SEMA6A: variants seen among roughly 807,000 people sequenced by gnomAD.
SEMA6A encodes semaphorin-6A.
A neutral mutation model predicts 96.8 loss-of-function variants in SEMA6A; 25 were observed. The observed-to-expected ratio is 0.26, with a 90% CI of 0.19 to 0.36. The LOEUF (loss-of-function observed/expected upper bound fraction) is 0.36, where lower values mean the gene tolerates loss of function less well. SEMA6A is among the 10% of genes least tolerant of loss of function. The pLI is 1.00. For synonymous variants in SEMA6A, 612 were observed against 518.0 expected (o/e 1.18, Z -2.46); for missense variants, 1,363 against 1,323.1 (o/e 1.03, Z -0.47).
At chr5:116,539,618 T>TGTGTGG (rs748442933) in intron 1 of SEMA6A, among the ~76,000 whole-genome samples, 1,861 of 151,720 alleles carry the variant, frequency 0.012, 28 homozygotes, top group Admixed American at 0.044. Flanking sequence ...TGTGTGTGTG[T>TGTGTGG]ACTTTCTTTA....
intron 1 of SEMA6A, among the ~76,000 whole-genome samples, chr5:116,533,729 T>C (rs1196053994): frequency 6.6e-6 from 1 of 152,126 alleles, no homozygotes; most frequent in African/African-American, 2.4e-5. Flanking sequence ...CTTCAAAATT[T>C]ATTTTGCCCT....
At chr5:116,555,462 C>A (rs558642761) in intron 1 of SEMA6A, among the ~76,000 whole-genome samples, 1 of 152,088 alleles carries the variant, frequency 6.6e-6, no homozygotes, top group Non-Finnish European at 1.5e-5. Flanking sequence ...TTTATTGGTA[C>A]GAGTAGTTAA....
chr5:116,485,812 G>C (rs1446866691), intron 10 of SEMA6A, among the ~76,000 whole-genome samples: 2 of 152,206 alleles, frequency 1.3e-5, no homozygotes, highest in South Asian at 2.1e-4. Flanking sequence ...CATGAATTTA[G>C]ATTTCACGAC....
intron 4 of SEMA6A, 76 bp downstream of exon 4, chr5:116,497,251 C>A: frequency 3.6e-6 from 3 of 839,912 alleles, no homozygotes; most frequent in South Asian, 1.7e-5. Flanking sequence ...CATCTTAATG[C>A]ACTTAAAATA....
At chr5:116,521,441 A>G (rs1165208051) in intron 1 of SEMA6A, among the ~76,000 whole-genome samples, 1 of 152,196 alleles carries the variant, frequency 6.6e-6, no homozygotes, top group Non-Finnish European at 1.5e-5. Flanking sequence ...TTGAGGGGTA[A>G]CGGGGCTGTG....
chr5:116,548,001 T>C (rs958520790), intron 1 of SEMA6A, among the ~76,000 whole-genome samples: 4 of 152,140 alleles, frequency 2.6e-5, no homozygotes, highest in Admixed American at 6.5e-5. Context: ...GTAGCATGGT[T>C]ATTTTGAAGA....
intron 1 of SEMA6A, among the ~76,000 whole-genome samples, chr5:116,558,116 G>A (rs184844128): frequency 6.6e-6 from 1 of 152,092 alleles, no homozygotes; most frequent in Admixed American, 6.5e-5. Context: ...TATTCAGTTT[G>A]TTAAAGCCCC....
intron 18 of SEMA6A, among the ~76,000 whole-genome samples, chr5:116,465,930 TAAC>T (rs955578447): frequency 6.6e-6 from 1 of 151,800 alleles, no homozygotes; most frequent in Non-Finnish European, 1.5e-5. Context: ...GAGCCACACA[TAAC>T]AAATAATGGC....
In SEMA6A at chr5:116,455,063, T is replaced by C. The variant is rs754332758; in HGVS notation, c.1895-7252A>G. ...CCACTTCGATCACCTTTAAAAGTGATGCATTTTTGGTTGGGATGTCATCAC... is the reference window on the plus strand; with the variant it reads ...CCACTTCGATCACCTTTAAAAGTGACGCATTTTTGGTTGGGATGTCATCAC... On this transcript the variant is annotated intron_variant, in intron 18 of 18. Coordinates refer to ENST00000343348, the MANE Select transcript of SEMA6A (RefSeq NM_020796.5). Among the ~76,000 whole-genome samples, 11 of 152,310 alleles carry C rather than the reference T, an allele frequency of 7.2e-5. No individual in the cohort carries two copies. In the South Asian group the frequency reaches 8.3e-4, roughly 11 times the overall value.
At chr5:116,563,754 T>C (rs999482394) in intron 1 of SEMA6A, among the ~76,000 whole-genome samples, 36 of 152,254 alleles carry the variant, frequency 2.4e-4, no homozygotes, top group Non-Finnish European at 7.3e-5. Flanking sequence ...TTACTCCCAC[T>C]GTTCTCCTCC....
At chr5:116,535,526 A>G (rs1025622979) in intron 1 of SEMA6A, among the ~76,000 whole-genome samples, 2 of 152,192 alleles carry the variant, frequency 1.3e-5, no homozygotes, top group African/African-American at 2.4e-5. Flanking sequence ...GATCAAGGTA[A>G]TACCACAGTT....
chr5:116,452,054 GA>G (rs1754674789), intron 18 of SEMA6A, among the ~76,000 whole-genome samples: 1 of 152,040 alleles, frequency 6.6e-6, no homozygotes, highest in African/African-American at 2.4e-5. Context: ...ATGCTGCCTG[GA>G]AGCCCTGGGC....
chr5:116,528,332 G>T lies in SEMA6A; in HGVS notation c.-38-23350C>A, dbSNP rs562835087. Among the ~76,000 whole-genome samples the T allele has an allele frequency of 1.1e-4, 17 of 152,216 alleles. No individual in the cohort carries two copies. The East Asian group carries it at 3.1e-3, about 28-fold the overall frequency. ...ATTTCTGGAAGTGCCCAGTTAAAGG[G>T]AAGTACAATCCCACAGACCCCAGTA... is the stretch of plus-strand genomic sequence containing the variant. On this transcript the variant is annotated intron_variant, in intron 1 of 18. Transcript: ENST00000343348.
chr5:116,472,832 C>T (rs995414993), intron 17 of SEMA6A: 1 of 1,328,238 alleles, frequency 7.5e-7, no homozygotes, highest in Non-Finnish European at 1.0e-6. Flanking sequence ...TAAACTACTG[C>T]TGGATGAATG....
intron 1 of SEMA6A, among the ~76,000 whole-genome samples, chr5:116,539,177 C>A (rs1308605590): frequency 6.6e-6 from 1 of 152,196 alleles, no homozygotes; most frequent in Non-Finnish European, 1.5e-5. Context: ...TGGCCCTAGA[C>A]AACTTTTCTC....
chr5:116,527,494 C>T (rs1293712857), intron 1 of SEMA6A, among the ~76,000 whole-genome samples: 1 of 152,102 alleles, frequency 6.6e-6, no homozygotes, highest in East Asian at 1.9e-4. Flanking sequence ...AAACAATGAT[C>T]TTTTATACCC....
At chr5:116,477,982 C>T (rs762450490) in intron 14 of SEMA6A, 32 bp downstream of exon 14, 44 of 1,613,930 alleles carry the variant, frequency 2.7e-5, no homozygotes, top group Non-Finnish European at 3.6e-5. Flanking sequence ...CCACCATGGA[C>T]TTTCTAATTG....
chr5:116,462,194 C>A (rs1755449732), intron 18 of SEMA6A, among the ~76,000 whole-genome samples: 1 of 151,896 alleles, frequency 6.6e-6, no homozygotes, highest in Non-Finnish European at 1.5e-5. Context: ...GTAAGAGTAA[C>A]CAGGGGGTAG....
At chr5:116,551,917 G>A (rs182797722) in intron 1 of SEMA6A, among the ~76,000 whole-genome samples, 19 of 152,306 alleles carry the variant, frequency 1.2e-4, no homozygotes, top group Admixed American at 3.9e-4. Context: ...GACAGCTATC[G>A]TAGGACTTTA....
Sources: allele counts gnomAD v4.1 joint callset (sites outside exome capture counted in the v4.1 genomes callset), GRCh38; gene constraint gnomAD v4.1.1; transcripts MANE v1.5; gene names NCBI Gene and HGNC (gene_info 2026-07-23, HGNC 2026-07-21).